The following NELL2 variants were observed in gnomAD, a reference collection of about 807,000 sequenced individuals.
NELL2 encodes the protein protein kinase C-binding protein NELL2.
In NELL2, 41 loss-of-function variants were observed where a neutral mutation model predicts 109.6. The ratio of observed to expected loss-of-function variants is 0.37; its 90% CI spans 0.29 to 0.49. The LOEUF is 0.49. Ranked by LOEUF, NELL2 falls within the 20% of genes least tolerant of loss-of-function variation. NELL2 has a pLI of 0.98. For missense variants in NELL2, 900 were observed against 1,008.3 expected (o/e 0.89, Z 1.45); for synonymous variants, 355 against 344.7 (o/e 1.03, Z -0.33).
intron 19 of NELL2, among the ~76,000 whole-genome samples, chr12:44,512,514 G>GAT (rs1483117633): frequency 4.6e-5 from 7 of 152,060 alleles, no homozygotes; most frequent in South Asian, 2.1e-4. Flanking sequence ...GTATATTGAA[G>GAT]ATATATCTGA....
At chr12:44,754,732 T>C (rs984399237) in intron 9 of NELL2, among the ~76,000 whole-genome samples, 7 of 152,204 alleles carry the variant, frequency 4.6e-5, no homozygotes, top group African/African-American at 1.7e-4. Flanking sequence ...GAACCAATAA[T>C]TGAGTTATAA....
chr12:44,624,712 C>T (rs1372155703), intron 13 of NELL2, among the ~76,000 whole-genome samples: 2 of 152,048 alleles, frequency 1.3e-5, no homozygotes, highest in African/African-American at 4.8e-5. Context: ...CAAAATATAG[C>T]TGGCTCAAGT....
At chr12:44,592,281 A>C (rs1180701841) in intron 15 of NELL2, among the ~76,000 whole-genome samples, 1 of 152,232 alleles carries the variant, frequency 6.6e-6, no homozygotes, top group Non-Finnish European at 1.5e-5. Context: ...GCATGTGGTA[A>C]GTTTTCAGTA....
chr12:44,672,038 AG>A (rs1296703279), intron 12 of NELL2, among the ~76,000 whole-genome samples: 1 of 152,234 alleles, frequency 6.6e-6, no homozygotes, highest in African/African-American at 2.4e-5. Flanking sequence ...CTCAAACAAA[AG>A]TGGTTCCTGG....
Position 44,663,784 on chromosome 12 carries a change from A to G in NELL2, c.1444+1700T>C, listed in dbSNP as rs186498687. On this transcript the variant is annotated intron_variant, in intron 13 of 19. Transcript: ENST00000429094. ...TCCAACAGACTCAGAATGGAAATGA[A>G]TCTCTTAAAAATATCCTGCCCTGCA... Among the ~76,000 whole-genome samples the G allele has an allele frequency of 3.9e-5, 6 of 152,328 alleles. No homozygotes were observed. In the East Asian group the frequency reaches 9.6e-4, roughly 24 times the overall value.
At chr12:44,802,488 C>T (rs1281046616) in intron 3 of NELL2, among the ~76,000 whole-genome samples, 1 of 151,956 alleles carries the variant, frequency 6.6e-6, no homozygotes, top group East Asian at 1.9e-4. Context: ...TGTGATATAT[C>T]AGTTCAATAC....
At position 44,520,096 on chromosome 12, in the gene NELL2, G is replaced by A. The variant is rs1318801315; in HGVS notation, c.2309C>T (p.Thr770Ile). 6.2e-7 allele frequency: 1 copy of A among 1,614,144 alleles called. No homozygotes were observed. Among genetic ancestry groups the A allele is most frequent in the Admixed American group, 1.7e-5 (1 of 60,020 alleles). ...ATTCATTTCGTCCAGGCAAGTCTTG[G>A]TGATGTCATTGCGGATGGTGTCAGC... ...CQADTIRNDI[T>I]KTCLDEMNVV... Residue 770 changes from threonine (T) to isoleucine (I), a missense_variant, in exon 19 of 20, where the codon ACC becomes ATC. This residue lies in a region of NELL2 where 333 missense variants were observed against 432.3 expected (regional missense o/e 0.77). Coordinates refer to ENST00000429094, the MANE Select transcript of NELL2 (RefSeq NM_001145108.2).
intron 12 of NELL2, among the ~76,000 whole-genome samples, chr12:44,693,816 G>A (rs1222944572): frequency 6.6e-6 from 1 of 152,094 alleles, no homozygotes; most frequent in Non-Finnish European, 1.5e-5. Context: ...AATTGAAGAA[G>A]GAATGATTCT....
At chr12:44,580,720 C>G (rs1258456516) in intron 15 of NELL2, among the ~76,000 whole-genome samples, 1 of 151,972 alleles carries the variant, frequency 6.6e-6, no homozygotes, top group Non-Finnish European at 1.5e-5. Flanking sequence ...CTCAAAGAAA[C>G]AAACAAACAA....
In NELL2 at chr12:44,908,199, A is replaced by C. The variant is rs143550636; in HGVS notation, c.38+5600T>G. ...GTTTAGTGATCAATAATTTGAAGTG[A>C]GACCCATAAGCCTAGGAAGCTATGT... On this transcript the variant is annotated intron_variant, in intron 1 of 20. Coordinates refer to the NELL2 transcript ENST00000333837. Among the ~76,000 whole-genome samples the C allele has an allele frequency of 4.9e-3, 738 of 152,112 alleles. 6 individuals carry two copies. The highest frequency in any genetic ancestry group is 0.017 in the African/African-American group (695 of 41,542).
At chr12:44,709,534 C>T (rs1173370845) in intron 11 of NELL2, among the ~76,000 whole-genome samples, 2 of 152,176 alleles carry the variant, frequency 1.3e-5, no homozygotes, top group Admixed American at 1.3e-4. Flanking sequence ...AATCACCTAG[C>T]CAAGCCCTGT....
intron 9 of NELL2, among the ~76,000 whole-genome samples, chr12:44,767,251 T>C (rs998558614): frequency 3.9e-5 from 6 of 152,198 alleles, no homozygotes; most frequent in Admixed American, 6.5e-5. Flanking sequence ...TGGGCTTCCA[T>C]TGACTATTTC....
intron 9 of NELL2, among the ~76,000 whole-genome samples, chr12:44,753,322 C>T (rs1940738428): frequency 6.6e-6 from 1 of 152,162 alleles, no homozygotes; most frequent in South Asian, 2.1e-4. Flanking sequence ...CTTTCATTCC[C>T]TACCTTGTCC....
intron 15 of NELL2, among the ~76,000 whole-genome samples, chr12:44,550,397 G>A (rs946408788): frequency 6.8e-6 from 1 of 147,326 alleles, no homozygotes; most frequent in Non-Finnish European, 1.5e-5. Flanking sequence ...ACAGGAACAT[G>A]CCACCATGCC....
intron 15 of NELL2, among the ~76,000 whole-genome samples, chr12:44,591,159 T>A (rs1433468548): frequency 6.6e-6 from 1 of 152,034 alleles, no homozygotes; most frequent in Non-Finnish European, 1.5e-5. Flanking sequence ...AAAAAGGAAC[T>A]CTAATACACT....
chr12:44,522,982 T>A, intron 17 of NELL2: 1 of 315,770 alleles, frequency 3.2e-6, no homozygotes, highest in South Asian at 4.1e-5. Flanking sequence ...CTCAAAAACA[T>A]AATGTTGAGA....
At chr12:44,889,840 T>C (rs1413959851) in intron 1 of NELL2, among the ~76,000 whole-genome samples, 1 of 152,236 alleles carries the variant, frequency 6.6e-6, no homozygotes, top group African/African-American at 2.4e-5. Context: ...GAAAATTTAT[T>C]AAGTTCAGTC....
intron 15 of NELL2, among the ~76,000 whole-genome samples, chr12:44,551,610 A>C (rs1482791673): frequency 6.6e-6 from 1 of 152,116 alleles, no homozygotes; most frequent in African/African-American, 2.4e-5. Flanking sequence ...GCCTACCCTC[A>C]GTTCACACAG....
At chr12:44,521,529 C>CAAAAAAAAAAAAAAAAA (rs56713964) in intron 18 of NELL2, among the ~76,000 whole-genome samples, 1,589 of 109,358 alleles carry the variant, frequency 0.015, 51 homozygotes, top group African/African-American at 0.036. Context: ...GACTCCGTCT[C>CAAAAAAAAAAAAAAAAA]AAAAAAAAAA....
Sources: allele counts gnomAD v4.1 joint callset (sites outside exome capture counted in the v4.1 genomes callset), GRCh38; gene constraint gnomAD v4.1.1; regional missense constraint gnomAD v4.1.1; transcripts MANE v1.5; gene names NCBI Gene and HGNC (gene_info 2026-07-23, HGNC 2026-07-21).